The following ARL8B variants were observed in gnomAD, a reference collection of about 807,000 sequenced individuals.
ARL8B encodes ARF like GTPase 8B.
A neutral mutation model predicts 30.6 loss-of-function variants in ARL8B; 9 were observed. That is an observed-to-expected ratio of 0.29 (90% CI 0.18 to 0.51). The LOEUF (loss-of-function observed/expected upper bound fraction) is 0.51, where lower values mean the gene tolerates loss of function less well. Among genes scored for constraint, ARL8B ranks in the 20% least tolerant of loss-of-function variants. The pLI is 0.97. For missense variants in ARL8B, 130 were observed against 227.2 expected (o/e 0.57, Z 2.75); for synonymous variants, 74 against 76.0 (o/e 0.97, Z 0.14).
intron 1 of ARL8B, among the ~76,000 whole-genome samples, chr3:5,167,865 A>G (rs2054637504): frequency 6.6e-6 from 1 of 152,230 alleles, no homozygotes; most frequent in African/African-American, 2.4e-5. Flanking sequence ...ATTCTCAGGT[A>G]TCTAGTGCCC....
chr3:5,173,388 G>A (rs569726077), intron 4 of ARL8B, among the ~76,000 whole-genome samples: 2 of 152,284 alleles, frequency 1.3e-5, no homozygotes, highest in Admixed American at 6.5e-5. Context: ...TCCAAAATTC[G>A]AAACACTTCT....
chr3:5,122,343 GC>G lies in ARL8B; in HGVS notation c.-120del, dbSNP rs1559272077. ...TGGCTGCTGCCGCCCGCCGGTGTCC[GC>G]CCGTGTCGCGCCGGGGCACCAAGGA... On this transcript the variant is annotated 5_prime_UTR_variant, in exon 1 of 7. Coordinates refer to ENST00000256496, the MANE Select transcript of ARL8B (RefSeq NM_018184.3). The G allele has an allele frequency of 6.5e-7, 1 of 1,543,656 alleles. No individual in the cohort carries two copies. Among genetic ancestry groups the G allele is most frequent in the Admixed American group, 1.9e-5 (1 of 51,556 alleles).
intron 1 of ARL8B, among the ~76,000 whole-genome samples, chr3:5,144,069 T>C (rs1040968127): frequency 2.0e-5 from 3 of 152,210 alleles, no homozygotes; most frequent in African/African-American, 7.2e-5. Context: ...AGGAGTGTGA[T>C]AATCCCATCT....
chr3:5,152,289 A>G (rs2054491815), intron 1 of ARL8B, among the ~76,000 whole-genome samples: 1 of 151,988 alleles, frequency 6.6e-6, no homozygotes, highest in African/African-American at 2.4e-5. Flanking sequence ...AGGATGTTAT[A>G]CCTTCTTCTT....
intron 1 of ARL8B, among the ~76,000 whole-genome samples, chr3:5,128,154 A>C: frequency 6.9e-6 from 1 of 144,480 alleles, no homozygotes; most frequent in South Asian, 2.2e-4. Context: ...CAGAGTGAAA[A>C]TCCGTCTCAA....
intron 1 of ARL8B, among the ~76,000 whole-genome samples, chr3:5,163,832 T>C (rs1284265188): frequency 1.3e-5 from 2 of 152,174 alleles, no homozygotes; most frequent in Admixed American, 6.5e-5. Flanking sequence ...ATCGTGCCAT[T>C]GCACTTCATC....
intron 1 of ARL8B, among the ~76,000 whole-genome samples, 176 bp from the exon 2 acceptor site, chr3:5,170,327 A>G (rs930433449): frequency 5.9e-5 from 9 of 152,250 alleles, no homozygotes; most frequent in Admixed American, 3.9e-4. Context: ...TTGTTGGGAC[A>G]AAATAATGCA....
chr3:5,164,100 C>CTA (rs1163650694), intron 1 of ARL8B, among the ~76,000 whole-genome samples: 1 of 152,170 alleles, frequency 6.6e-6, no homozygotes, highest in Non-Finnish European at 1.5e-5. Flanking sequence ...TCCCCACCCC[C>CTA]TATATATTAG....
intron 1 of ARL8B, among the ~76,000 whole-genome samples, chr3:5,130,787 C>T (rs147495343): frequency 4.0e-5 from 6 of 151,582 alleles, no homozygotes; most frequent in Admixed American, 1.3e-4. Context: ...CCGCCCGCCT[C>T]GGCCCAGGCA....
At chr3:5,155,469 T>C (rs975812485) in intron 1 of ARL8B, among the ~76,000 whole-genome samples, 9 of 152,330 alleles carry the variant, frequency 5.9e-5, no homozygotes, top group South Asian at 4.1e-4. Context: ...TTTGGGTCAT[T>C]ATTTCTTCAA....
intron 1 of ARL8B, among the ~76,000 whole-genome samples, chr3:5,133,132 A>G (rs1452453832): frequency 6.6e-6 from 1 of 152,202 alleles, no homozygotes; most frequent in East Asian, 1.9e-4. Flanking sequence ...AACAGTGGGA[A>G]AAGCAAAGGC....
chr3:5,176,420 A>AG (rs1046717200), intron 6 of ARL8B, among the ~76,000 whole-genome samples: 15 of 152,008 alleles, frequency 9.9e-5, no homozygotes, highest in African/African-American at 3.4e-4. Flanking sequence ...TAGTAGAGAC[A>AG]GGGTTTCATC....
chr3:5,174,534 T>C (rs1461847759), intron 6 of ARL8B, 120 bp downstream of exon 6: 2 of 678,102 alleles, frequency 2.9e-6, no homozygotes, highest in African/African-American at 3.6e-5. Context: ...TACTGTTGCT[T>C]TTGCCTGAGA....
At chr3:5,161,171 C>T (rs138146036) in intron 1 of ARL8B, among the ~76,000 whole-genome samples, 21 of 152,298 alleles carry the variant, frequency 1.4e-4, no homozygotes, top group East Asian at 5.8e-4. Context: ...CTCCCACGGC[C>T]GGGGATTACA....
chr3:5,127,358 T>C (rs1232832693), intron 1 of ARL8B, among the ~76,000 whole-genome samples: 1 of 152,206 alleles, frequency 6.6e-6, no homozygotes, highest in Non-Finnish European at 1.5e-5. Context: ...CTTTTTTGTA[T>C]TTAATTTAAT....
At chr3:5,141,234 C>T (rs1318122413) in intron 1 of ARL8B, among the ~76,000 whole-genome samples, 2 of 152,146 alleles carry the variant, frequency 1.3e-5, no homozygotes, top group African/African-American at 2.4e-5. Context: ...GCTTCCAGTA[C>T]TTAGATTTAT....
chr3:5,148,273 C>G (rs925306692), intron 1 of ARL8B, among the ~76,000 whole-genome samples: 1 of 152,128 alleles, frequency 6.6e-6, no homozygotes, highest in African/African-American at 2.4e-5. Flanking sequence ...GTAAGAGGAG[C>G]ATTTACAAAG....
At chr3:5,165,830 A>G (rs1234259816) in intron 1 of ARL8B, among the ~76,000 whole-genome samples, 1 of 152,174 alleles carries the variant, frequency 6.6e-6, no homozygotes, top group Non-Finnish European at 1.5e-5. Context: ...GTCTTCATTT[A>G]AAAGAACAAT....
At chr3:5,149,070 C>T (rs1457262528) in intron 1 of ARL8B, among the ~76,000 whole-genome samples, 4 of 152,102 alleles carry the variant, frequency 2.6e-5, no homozygotes, top group East Asian at 3.8e-4. Context: ...AGAACGGAAC[C>T]GTGGATTGGG....
Sources: allele counts gnomAD v4.1 joint callset (sites outside exome capture counted in the v4.1 genomes callset), GRCh38; gene constraint gnomAD v4.1.1; transcripts MANE v1.5; gene names NCBI Gene and HGNC (gene_info 2026-07-23, HGNC 2026-07-21).